The following LUZP2 variants were observed in gnomAD, a reference collection of about 807,000 sequenced individuals.
LUZP2 encodes leucine zipper protein 2.
Under a neutral mutation model 51.6 loss-of-function variants are expected in LUZP2, and 52 were observed. The ratio of observed to expected loss-of-function variants is 1.01; its 90% CI spans 0.81 to 1.27. LUZP2 has a LOEUF of 1.27. Ranked by LOEUF, LUZP2 falls within the 50% of genes most tolerant of loss-of-function variation. The pLI, the probability that LUZP2 is intolerant of heterozygous loss-of-function variation, is 0.00. For synonymous variants in LUZP2, 154 were observed against 137.3 expected (o/e 1.12, Z -0.85); for missense variants, 436 against 395.4 (o/e 1.10, Z -0.87).
intron 1 of LUZP2, among the ~76,000 whole-genome samples, chr11:24,706,975 G>T (rs1446816674): frequency 7.1e-6 from 1 of 140,856 alleles, no homozygotes; most frequent in Non-Finnish European, 1.5e-5. Context: ...CATCCAAATA[G>T]TTAATCAAAG....
At chr11:24,702,700 G>C (rs1857453222) in intron 1 of LUZP2, among the ~76,000 whole-genome samples, 1 of 152,032 alleles carries the variant, frequency 6.6e-6, no homozygotes. Flanking sequence ...TCCAACATGG[G>C]GATTACATTT....
At chr11:24,995,341 A>C (rs1385479734) in intron 9 of LUZP2, among the ~76,000 whole-genome samples, 1 of 152,158 alleles carries the variant, frequency 6.6e-6, no homozygotes, top group Non-Finnish European at 1.5e-5. Flanking sequence ...TGCAGTGAGC[A>C]CAGATTGCAC....
intron 1 of LUZP2, among the ~76,000 whole-genome samples, chr11:24,499,317 T>G (rs1375293120): frequency 6.6e-6 from 1 of 152,222 alleles, no homozygotes; most frequent in Non-Finnish European, 1.5e-5. Context: ...TGAACAAATA[T>G]GAAAAGCAAT....
intron 1 of LUZP2, among the ~76,000 whole-genome samples, chr11:24,530,171 A>G (rs1429023015): frequency 6.6e-6 from 1 of 150,832 alleles, no homozygotes; most frequent in Admixed American, 6.6e-5. Flanking sequence ...ACATTAAAAT[A>G]CCCAAAAATT....
intron 5 of LUZP2, among the ~76,000 whole-genome samples, chr11:24,837,316 G>T (rs527502057): frequency 6.6e-6 from 1 of 151,766 alleles, no homozygotes; most frequent in Admixed American, 6.6e-5. Context: ...TGGACAAGAG[G>T]TAGTTACTCA....
At chr11:24,798,566 A>G (rs1011016764) in intron 5 of LUZP2, among the ~76,000 whole-genome samples, 1 of 152,178 alleles carries the variant, frequency 6.6e-6, no homozygotes, top group African/African-American at 2.4e-5. Context: ...CTAAGTTCCC[A>G]TCTGCCTTGT....
At chr11:24,804,992 A>C (rs1438633278) in intron 5 of LUZP2, among the ~76,000 whole-genome samples, 2 of 142,848 alleles carry the variant, frequency 1.4e-5, no homozygotes, top group Non-Finnish European at 3.0e-5. Flanking sequence ...GGCATGTGCC[A>C]CCACACCCGG....
intron 1 of LUZP2, among the ~76,000 whole-genome samples, chr11:24,665,973 T>C (rs1425928093): frequency 6.6e-6 from 1 of 152,234 alleles, no homozygotes; most frequent in African/African-American, 2.4e-5. Context: ...TACATAATTT[T>C]TCAAGTTATT....
intron 5 of LUZP2, among the ~76,000 whole-genome samples, chr11:24,888,264 G>T (rs1351143379): frequency 6.6e-6 from 1 of 151,896 alleles, no homozygotes; most frequent in East Asian, 1.9e-4. Context: ...TTATTCATAG[G>T]CTTTCTCTTC....
intron 5 of LUZP2, among the ~76,000 whole-genome samples, chr11:24,769,201 A>C (rs1860306791): frequency 6.6e-6 from 1 of 152,180 alleles, no homozygotes; most frequent in Admixed American, 6.6e-5. Flanking sequence ...TCAAAGAAGT[A>C]GAGAGAATAG....
At chr11:24,823,151 A>T (rs11028193) in intron 5 of LUZP2, among the ~76,000 whole-genome samples, 5,940 of 152,248 alleles carry the variant, frequency 0.039, 219 homozygotes, top group East Asian at 0.13. Flanking sequence ...AGGTTATGTG[A>T]TACACAATAG....
At chr11:24,735,377 G>A (rs574072356) in intron 3 of LUZP2, among the ~76,000 whole-genome samples, 2,154 of 151,950 alleles carry the variant, frequency 0.014, 45 homozygotes, top group African/African-American at 0.043. Context: ...AGGAGAATAA[G>A]AAATAGGACA....
At chr11:24,631,713 T>G (rs2133927719) in intron 1 of LUZP2, among the ~76,000 whole-genome samples, 1 of 152,102 alleles carries the variant, frequency 6.6e-6, no homozygotes, top group Non-Finnish European at 1.5e-5. Context: ...CCTCGTGGAA[T>G]AAGCTAGAGA....
At chr11:25,045,821 T>G (rs934245536) in intron 9 of LUZP2, among the ~76,000 whole-genome samples, 1 of 152,284 alleles carries the variant, frequency 6.6e-6, no homozygotes, top group South Asian at 2.1e-4. Flanking sequence ...CTTTATTGAC[T>G]TGATTCCCTG....
At chr11:24,774,904 C>T (rs913479197) in intron 5 of LUZP2, among the ~76,000 whole-genome samples, 24 of 148,804 alleles carry the variant, frequency 1.6e-4, no homozygotes, top group African/African-American at 5.2e-4. Context: ...TCTAGAGAAT[C>T]GTGACTAATA....
chr11:24,845,135 C>T (rs140986724), intron 5 of LUZP2, among the ~76,000 whole-genome samples: 2,057 of 152,228 alleles, frequency 0.014, 49 homozygotes, highest in East Asian at 0.12. Context: ...TCAATGCCAG[C>T]CGGTGAAGGC....
At chr11:25,065,686 T>G (rs1992731) in intron 10 of LUZP2, among the ~76,000 whole-genome samples, 55,734 of 151,762 alleles carry the variant, frequency 0.37, 12,480 homozygotes, top group East Asian at 0.78. Context: ...CAGGAAGAAT[T>G]AAAAGAATGA....
chr11:24,589,617 A>C (rs1238417035), intron 1 of LUZP2, among the ~76,000 whole-genome samples: 1 of 152,194 alleles, frequency 6.6e-6, no homozygotes, highest in Non-Finnish European at 1.5e-5. Flanking sequence ...CTTACTCTCA[A>C]ACTGGTGCTT....
At chr11:24,840,014 C>A (rs966905399) in intron 5 of LUZP2, among the ~76,000 whole-genome samples, 1 of 151,562 alleles carries the variant, frequency 6.6e-6, no homozygotes, top group Non-Finnish European at 1.5e-5. Context: ...GTTTGCTGCA[C>A]CCCTTTAATA....
Sources: allele counts gnomAD v4.1 joint callset (sites outside exome capture counted in the v4.1 genomes callset), GRCh38; gene constraint gnomAD v4.1.1; transcripts MANE v1.5; gene names NCBI Gene and HGNC (gene_info 2026-07-23, HGNC 2026-07-21).